The following ARHGAP15 variants were observed in gnomAD, a reference collection of about 807,000 sequenced individuals.
ARHGAP15 encodes rho GTPase-activating protein 15.
Under a neutral mutation model 63.7 loss-of-function variants are expected in ARHGAP15, and 51 were observed. The ratio of observed to expected loss-of-function variants is 0.80; its 90% CI spans 0.64 to 1.01. The LOEUF is 1.01. Ranked by LOEUF, ARHGAP15 falls within the 50% of genes least tolerant of loss-of-function variation. ARHGAP15 has a pLI of 0.00. For synonymous variants in ARHGAP15, 191 were observed against 193.8 expected (o/e 0.99, Z 0.12); for missense variants, 560 against 564.6 (o/e 0.99, Z 0.08).
chr2:143,570,442 A>C (rs1455977968), intron 11 of ARHGAP15, among the ~76,000 whole-genome samples: 3 of 152,232 alleles, frequency 2.0e-5, no homozygotes, highest in Admixed American at 6.5e-5. Context: ...AACATTTCTT[A>C]AGGGCAGAGT....
At chr2:143,600,416 T>G (rs960100046) in intron 11 of ARHGAP15, among the ~76,000 whole-genome samples, 1 of 152,176 alleles carries the variant, frequency 6.6e-6, no homozygotes. Context: ...GGAGTATTCA[T>G]ATCATATATA....
intron 10 of ARHGAP15, among the ~76,000 whole-genome samples, chr2:143,519,668 A>C (rs561827720): frequency 6.6e-6 from 1 of 152,294 alleles, no homozygotes; most frequent in South Asian, 2.1e-4. Context: ...ATCAGCACTC[A>C]CAGTGTTAGA....
chr2:143,229,847 A>T (rs572836515), intron 5 of ARHGAP15, among the ~76,000 whole-genome samples: 15 of 152,214 alleles, frequency 9.9e-5, no homozygotes, highest in Non-Finnish European at 1.6e-4. Flanking sequence ...CTTGCTTCTG[A>T]TAACCGCAGT....
chr2:143,377,359 T>C (rs1686860175), intron 6 of ARHGAP15, among the ~76,000 whole-genome samples: 1 of 151,994 alleles, frequency 6.6e-6, no homozygotes, highest in Non-Finnish European at 1.5e-5. Flanking sequence ...ACATTTTCAG[T>C]ATTTTTTTCT....
At chr2:143,696,395 A>C (rs1352788942) in intron 12 of ARHGAP15, among the ~76,000 whole-genome samples, 1 of 150,044 alleles carries the variant, frequency 6.7e-6, no homozygotes, top group East Asian at 1.9e-4. Context: ...ATAATTTCTT[A>C]AGAAATTATA....
At chr2:143,480,897 G>A (rs1304446258) in intron 8 of ARHGAP15, 1 of 152,108 alleles carries the variant, frequency 6.6e-6, no homozygotes, top group Non-Finnish European at 1.5e-5. Flanking sequence ...TAATAAACTT[G>A]ATTTCTTTTT....
chr2:143,537,988 A>G (rs1020787535), intron 10 of ARHGAP15, among the ~76,000 whole-genome samples: 2 of 152,196 alleles, frequency 1.3e-5, no homozygotes, highest in African/African-American at 4.8e-5. Flanking sequence ...CATTTTCACG[A>G]TATTGATTCT....
intron 3 of ARHGAP15, among the ~76,000 whole-genome samples, chr2:143,210,231 G>A (rs530879009): frequency 3.9e-4 from 59 of 152,102 alleles, no homozygotes; most frequent in Admixed American, 1.1e-3. Context: ...AGGGAGAGGT[G>A]AGCTATAGTA....
chr2:143,276,251 G>A (rs1681543130), intron 6 of ARHGAP15, among the ~76,000 whole-genome samples: 1 of 152,160 alleles, frequency 6.6e-6, no homozygotes, highest in African/African-American at 2.4e-5. Flanking sequence ...ACACTCTAGT[G>A]AAATCTCAGC....
rs560291016 is a variant in ARHGAP15 at position 143,755,212 on chromosome 2, C to A, written c.1245-12777C>A. On this transcript the variant is annotated intron_variant, in intron 13 of 13. Coordinates refer to ENST00000295095, the MANE Select transcript of ARHGAP15 (RefSeq NM_018460.4). Reference sequence around the variant, plus strand: ...CTTCTCTTGATGGGGAACTCATAGCCTTTTTTGGTATAAAATCTTTAATAT... The same window carrying A: ...CTTCTCTTGATGGGGAACTCATAGCATTTTTTGGTATAAAATCTTTAATAT... 5.3e-5 allele frequency among the ~76,000 whole-genome samples: 8 copies of A among 150,952 alleles called. No homozygotes were observed. The South Asian group carries it at 1.7e-3, about 32-fold the overall frequency.
chr2:143,273,616 C>T (rs1260915206), intron 6 of ARHGAP15, among the ~76,000 whole-genome samples: 1 of 152,096 alleles, frequency 6.6e-6, no homozygotes, highest in East Asian at 1.9e-4. Flanking sequence ...TAATGCATGT[C>T]CTTATGCCAT....
intron 6 of ARHGAP15, among the ~76,000 whole-genome samples, chr2:143,301,267 A>AT (rs1213834510): frequency 6.6e-6 from 1 of 152,040 alleles, no homozygotes; most frequent in African/African-American, 2.4e-5. Flanking sequence ...TCTCTACACT[A>AT]ATAATGTTTT....
intron 11 of ARHGAP15, chr2:143,607,784 G>A (rs1051340094): frequency 1.2e-4 from 19 of 152,082 alleles, no homozygotes; most frequent in African/African-American, 1.7e-4. Flanking sequence ...GATAGGATTC[G>A]GATATAAATC....
chr2:143,206,551 A>G (rs1371496152), intron 3 of ARHGAP15, among the ~76,000 whole-genome samples: 2 of 152,014 alleles, frequency 1.3e-5, no homozygotes, highest in Admixed American at 6.6e-5. Context: ...CCCTTCTTTG[A>G]TCTGTCTCTC....
At chr2:143,381,579 T>A (rs1687054890) in intron 6 of ARHGAP15, among the ~76,000 whole-genome samples, 1 of 152,214 alleles carries the variant, frequency 6.6e-6, no homozygotes, top group South Asian at 2.1e-4. Flanking sequence ...ATCCTCTACT[T>A]CCTGCACACT....
chr2:143,474,033 C>T (rs1029160567), intron 8 of ARHGAP15, among the ~76,000 whole-genome samples: 28 of 152,148 alleles, frequency 1.8e-4, no homozygotes, highest in African/African-American at 6.5e-4. Context: ...AATGAATTTT[C>T]CCATCCATAG....
intron 6 of ARHGAP15, among the ~76,000 whole-genome samples, chr2:143,406,638 T>A (rs1688211109): frequency 1.3e-5 from 2 of 151,964 alleles, no homozygotes; most frequent in Admixed American, 1.3e-4. Flanking sequence ...TTATATACTT[T>A]ATTTAATCAG....
chr2:143,386,184 C>G (rs1049412071), intron 6 of ARHGAP15, among the ~76,000 whole-genome samples: 15 of 152,062 alleles, frequency 9.9e-5, no homozygotes, highest in African/African-American at 3.4e-4. Flanking sequence ...GCCACCAACA[C>G]AGAGCTGATA....
chr2:143,526,763 G>A (rs180716895), intron 10 of ARHGAP15, among the ~76,000 whole-genome samples: 197 of 152,238 alleles, frequency 1.3e-3, no homozygotes, highest in African/African-American at 4.6e-3. Flanking sequence ...AAAAGCAGAA[G>A]CAAATAATAA....
Sources: allele counts gnomAD v4.1 joint callset (sites outside exome capture counted in the v4.1 genomes callset), GRCh38; gene constraint gnomAD v4.1.1; transcripts MANE v1.5; gene names NCBI Gene and HGNC (gene_info 2026-07-23, HGNC 2026-07-21).